Variants in FGF14 observed in about 807,000 individuals in gnomAD.
FGF14 encodes fibroblast growth factor homologous factor 4.
FGF14 carries 5 observed loss-of-function variants against 25.5 expected under a neutral mutation model. The ratio of observed to expected loss-of-function variants is 0.20; its 90% confidence interval spans 0.10 to 0.41. The LOEUF (loss-of-function observed/expected upper bound fraction) is 0.41. Ranked by LOEUF, FGF14 falls within the 10% of genes least tolerant of loss-of-function variation. The pLI, the probability that FGF14 is intolerant of heterozygous loss-of-function variation, is 1.00. For synonymous variants in FGF14, 138 were observed against 118.3 expected, an observed-to-expected ratio of 1.17 and a Z score of -1.08; for missense variants, 222 against 320.1, an observed-to-expected ratio of 0.69 and a Z score of 2.34.
chr13:102,137,702 A>G (rs2046471954), intron 1 of FGF14, among the ~76,000 whole-genome samples: 1 of 152,156 alleles, frequency 6.6e-6, no homozygotes, highest in African/African-American at 2.4e-5. Context: ...GTCATGACAC[A>G]TCAGTACCCT....
At chr13:102,256,782 G>A (rs750231335) in intron 1 of FGF14, among the ~76,000 whole-genome samples, 26 of 152,236 alleles carry the variant, frequency 1.7e-4, no homozygotes, top group South Asian at 4.1e-4. Flanking sequence ...ATTAAGAGTC[G>A]ATGCTGATAA....
chr13:102,332,859 A>G (rs1324577702), intron 1 of FGF14, among the ~76,000 whole-genome samples: 2 of 152,318 alleles, frequency 1.3e-5, no homozygotes, highest in East Asian at 1.9e-4. Context: ...AAAAGACATG[A>G]TAAGTGATAC....
chr13:101,810,926 T>A (rs2041469167), intron 3 of FGF14, among the ~76,000 whole-genome samples: 1 of 152,100 alleles, frequency 6.6e-6, no homozygotes, highest in East Asian at 1.9e-4. Context: ...TTCACTTATT[T>A]AAAAAAACAC....
chr13:102,133,724 T>C (rs968862881), intron 1 of FGF14, among the ~76,000 whole-genome samples: 1 of 152,238 alleles, frequency 6.6e-6, no homozygotes, highest in Admixed American at 6.5e-5. Flanking sequence ...TCATTTGTGC[T>C]TTCCAAAAGC....
chr13:101,961,194 G>GTTCCC (rs2139458795), intron 1 of FGF14, among the ~76,000 whole-genome samples: 1 of 152,222 alleles, frequency 6.6e-6, no homozygotes, highest in Admixed American at 6.5e-5. Context: ...AGTTTAACTA[G>GTTCCC]ATCCCATGTG....
At chr13:101,857,879 A>G (rs530518717) in intron 3 of FGF14, among the ~76,000 whole-genome samples, 1 of 152,048 alleles carries the variant, frequency 6.6e-6, no homozygotes, top group Non-Finnish European at 1.5e-5. Context: ...AACAAACAAC[A>G]TAAAAAAGAA....
At chr13:102,401,848 A>T (rs1409455587), upstream of FGF14, 6 of 653,622 alleles carry the variant, frequency 9.2e-6, no homozygotes, top group Non-Finnish European at 1.3e-5. Context: ...CTTTTTCAGC[A>T]TGAAGCCAAA....
At chr13:102,233,835 T>C (rs1324152245) in intron 1 of FGF14, among the ~76,000 whole-genome samples, 3 of 152,262 alleles carry the variant, frequency 2.0e-5, no homozygotes, top group African/African-American at 4.8e-5. Flanking sequence ...AGTGAGTAAC[T>C]GAAGCCTCTA....
intron 1 of FGF14, among the ~76,000 whole-genome samples, chr13:101,884,628 T>C (rs955844301): frequency 2.0e-5 from 3 of 152,044 alleles, no homozygotes; most frequent in Admixed American, 6.6e-5. Context: ...CTCCTAGCTA[T>C]CCTGTGTAAG....
At chr13:102,197,097 T>C (rs961019755) in intron 1 of FGF14, among the ~76,000 whole-genome samples, 1 of 152,176 alleles carries the variant, frequency 6.6e-6, no homozygotes, top group Non-Finnish European at 1.5e-5. Flanking sequence ...GACACAGTTA[T>C]AGACATTCCA....
intron 3 of FGF14, among the ~76,000 whole-genome samples, chr13:101,732,642 G>T (rs1159589358): frequency 1.3e-5 from 2 of 150,500 alleles, no homozygotes. Context: ...AAACAACAAA[G>T]GGTTCTTTCA....
chr13:101,790,843 A>C (rs117196928), intron 3 of FGF14, among the ~76,000 whole-genome samples: 2,312 of 152,296 alleles, frequency 0.015, 28 homozygotes, highest in Middle Eastern at 0.027. Context: ...AGAAAAGAGT[A>C]ATTAGCCGTA....
Position 101,791,112 on chromosome 13 carries a change from C to T in FGF14, c.409-64302G>A, listed in dbSNP as rs964748168. 1.8e-4 allele frequency among the ~76,000 whole-genome samples: 28 copies of T among 152,286 alleles called. 1 individual carries two copies. The East Asian group carries it at 5.4e-3, about 29-fold the overall frequency. ...ACTTGGTGGGCAAGGAAGTCCTGTG[C>T]TCTGTCTCTTCCCCTTTACAGCTGG... On this transcript the variant is annotated intron_variant, in intron 3 of 4. Coordinates refer to ENST00000376143, the MANE Select transcript of FGF14 (RefSeq NM_004115.4).
intron 1 of FGF14, among the ~76,000 whole-genome samples, chr13:102,168,410 C>T (rs1268722819): frequency 6.6e-6 from 1 of 152,062 alleles, no homozygotes; most frequent in Non-Finnish European, 1.5e-5. Context: ...AACTCCTGAC[C>T]TCAGGTGATC....
chr13:101,986,917 T>C (rs1258029141), intron 1 of FGF14, among the ~76,000 whole-genome samples: 2 of 145,072 alleles, frequency 1.4e-5, no homozygotes, highest in East Asian at 4.3e-4. Context: ...TCTCTATGTA[T>C]ACACACACAT....
At chr13:102,003,065 A>G (rs1440005952) in intron 1 of FGF14, 1 of 152,218 alleles carries the variant, frequency 6.6e-6, no homozygotes, top group Non-Finnish European at 1.5e-5. Context: ...ACTTTGTTAT[A>G]TGAACAGTCA....
At chr13:102,141,653 G>A (rs1250292777) in intron 1 of FGF14, among the ~76,000 whole-genome samples, 1 of 152,124 alleles carries the variant, frequency 6.6e-6, no homozygotes, top group Non-Finnish European at 1.5e-5. Flanking sequence ...TAATTGTGAT[G>A]CATTTGGAAA....
chr13:101,846,833 C>T (rs2140339956), intron 3 of FGF14, among the ~76,000 whole-genome samples: 1 of 152,046 alleles, frequency 6.6e-6, no homozygotes, highest in Non-Finnish European at 1.5e-5. Flanking sequence ...TGAAAATTAG[C>T]ATTACAAAAG....
intron 3 of FGF14, among the ~76,000 whole-genome samples, chr13:101,813,766 G>T (rs2041696794): frequency 6.6e-6 from 1 of 152,192 alleles, no homozygotes; most frequent in African/African-American, 2.4e-5. Context: ...TATTTGAATT[G>T]CATTACCTCT....
Sources: allele counts gnomAD v4.1 joint callset (sites outside exome capture counted in the v4.1 genomes callset), GRCh38; gene constraint gnomAD v4.1.1; transcripts MANE v1.5; gene names NCBI Gene and HGNC (gene_info 2026-07-23, HGNC 2026-07-21).